BPTF: variants seen among roughly 807,000 people sequenced by gnomAD.
BPTF encodes the protein nucleosome-remodeling factor subunit BPTF.
A neutral mutation model predicts 292.5 loss-of-function variants in BPTF; 18 were observed. The observed-to-expected ratio is 0.06, with a 90% CI of 0.04 to 0.09. The LOEUF (loss-of-function observed/expected upper bound fraction) is 0.09. Ranked by LOEUF, BPTF falls within the 10% of genes least tolerant of loss-of-function variation. The pLI, the probability that BPTF is intolerant of heterozygous loss-of-function variation, is 1.00. For synonymous variants in BPTF, 1,225 were observed against 1,251.9 expected (o/e 0.98, Z 0.45); for missense variants, 2,726 against 3,498.7 (o/e 0.78, Z 5.57).
intron 27 of BPTF, among the ~76,000 whole-genome samples, chr17:67,978,653 T>G (rs1447376834): frequency 7.2e-5 from 11 of 152,072 alleles, no homozygotes; most frequent in Admixed American, 7.2e-4. Flanking sequence ...GCAATGAGAA[T>G]TACTCTGACC....
In BPTF at chr17:67,984,359, G is replaced by A. The variant is rs1402012012; in HGVS notation, c.*2071G>A. On this transcript the variant is annotated 3_prime_UTR_variant, in exon 28 of 28. Coordinates refer to ENST00000306378, the MANE Select transcript of BPTF (RefSeq NM_182641.4). Reference sequence around the variant, plus strand: ...GGACATTTCATCCTAGAAAAATAAAGTAATGTTTTTGACATTGGATTTGGT... The same window carrying A: ...GGACATTTCATCCTAGAAAAATAAAATAATGTTTTTGACATTGGATTTGGT... 1 of 152,436 alleles carries A rather than the reference G, an allele frequency of 6.6e-6. No homozygotes were observed. The allele number at this position is 152,436 out of a possible 1,614,324, so 9.4% of individuals were successfully genotyped here.
chr17:67,861,969 A>G (rs1477323483), intron 2 of BPTF, among the ~76,000 whole-genome samples: 1 of 151,790 alleles, frequency 6.6e-6, no homozygotes, highest in East Asian at 1.9e-4. Flanking sequence ...TCCTACCAAT[A>G]GTTTTTTTGT....
chr17:67,887,932 C>T (rs2060848110), intron 4 of BPTF, among the ~76,000 whole-genome samples: 1 of 152,172 alleles, frequency 6.6e-6, no homozygotes. Flanking sequence ...AATCAGAAGC[C>T]CTTGAGGAAG....
intron 26 of BPTF, among the ~76,000 whole-genome samples, chr17:67,971,883 T>C (rs1267802141): frequency 6.6e-6 from 1 of 151,938 alleles, no homozygotes; most frequent in Non-Finnish European, 1.5e-5. Flanking sequence ...TTGAACCAGC[T>C]TCCACTAATA....
chr17:67,869,304 C>G (rs1598343537), intron 3 of BPTF, among the ~76,000 whole-genome samples: 1 of 151,984 alleles, frequency 6.6e-6, no homozygotes, highest in African/African-American at 2.4e-5. Context: ...AAAATATTTT[C>G]TGTGTGTTAG....
intron 17 of BPTF, among the ~76,000 whole-genome samples, chr17:67,929,913 C>T (rs952730718): frequency 4.1e-4 from 63 of 151,998 alleles, no homozygotes; most frequent in Non-Finnish European, 1.8e-4. Flanking sequence ...CTCAGGAGTA[C>T]AGGGCCAGCC....
chr17:67,857,351 G>T (rs1288430378), intron 2 of BPTF, among the ~76,000 whole-genome samples: 1 of 151,506 alleles, frequency 6.6e-6, no homozygotes, highest in African/African-American at 2.4e-5. Context: ...TAGTAGAGAC[G>T]GGGTTTCACC....
chr17:67,853,446 A>G (rs955394879), intron 1 of BPTF, among the ~76,000 whole-genome samples: 1 of 152,164 alleles, frequency 6.6e-6, no homozygotes, highest in African/African-American at 2.4e-5. Flanking sequence ...AGAGGTCTGC[A>G]CTGGGAACTT....
intron 14 of BPTF, among the ~76,000 whole-genome samples, chr17:67,923,461 C>T (rs1305663705): frequency 7.1e-6 from 1 of 141,750 alleles, no homozygotes; most frequent in Non-Finnish European, 1.5e-5. Flanking sequence ...GTAAGGTCCT[C>T]TCTCTCTGTC....
chr17:67,889,073 G>T (rs973589667), intron 4 of BPTF, among the ~76,000 whole-genome samples: 1 of 152,154 alleles, frequency 6.6e-6, no homozygotes, highest in Non-Finnish European at 1.5e-5. Flanking sequence ...TGAAGAGTTT[G>T]TGTAGGCTTC....
At chr17:67,869,827 CAAAAA>C (rs772941425) in intron 3 of BPTF, among the ~76,000 whole-genome samples, 1 of 56,426 alleles carries the variant, frequency 1.8e-5, no homozygotes, top group South Asian at 6.7e-4. Flanking sequence ...ACTAAAAATA[CAAAAA>C]AAAAAAAAAA....
rs1168533218 is a variant in BPTF, at chr17:67,854,920, T to G, written c.1436+158T>G. Reference sequence around the variant, plus strand: ...TTCTTAATTGAAGGAATATGTGCATTAAAATAGCTTTTAAGAAGGTAAAGG... The same window carrying G: ...TTCTTAATTGAAGGAATATGTGCATGAAAATAGCTTTTAAGAAGGTAAAGG... On this transcript the variant is annotated intron_variant, in intron 2 of 27. Coordinates refer to ENST00000306378, the MANE Select transcript of BPTF (RefSeq NM_182641.4). The surrounding 1 kb of genome is among the most constrained non-coding windows in gnomAD (Gnocchi z 5.6). Among the ~76,000 whole-genome samples the G allele has an allele frequency of 2.0e-5, 3 of 152,226 alleles. No homozygotes were observed. Among genetic ancestry groups the G allele is most frequent in the African/African-American group, 7.2e-5 (3 of 41,454 alleles).
intron 17 of BPTF, 70 bp from the exon 18 acceptor site, chr17:67,931,841 G>A: frequency 9.1e-7 from 1 of 1,104,870 alleles, no homozygotes; most frequent in East Asian, 2.6e-5. Flanking sequence ...TAAAGATCTT[G>A]TGTTCTAAGT....
At chr17:67,908,769 G>A (rs1016662008) in intron 9 of BPTF, among the ~76,000 whole-genome samples, 1 of 150,990 alleles carries the variant, frequency 6.6e-6, no homozygotes, top group African/African-American at 2.4e-5. Flanking sequence ...GGGATTACAG[G>A]CATAAGCCAC....
At chr17:67,961,280 A>G (rs1435052498) in intron 24 of BPTF, among the ~76,000 whole-genome samples, 2 of 152,182 alleles carry the variant, frequency 1.3e-5, no homozygotes, top group Admixed American at 1.3e-4. Flanking sequence ...GTGTTATTTT[A>G]TATTTTTCAT....
intron 7 of BPTF, among the ~76,000 whole-genome samples, chr17:67,897,517 A>T (rs1313355640): frequency 2.0e-5 from 3 of 152,088 alleles, no homozygotes; most frequent in Non-Finnish European, 4.4e-5. Context: ...GTGGACCAAG[A>T]TGGTGGAATA....
At chr17:67,867,930 C>T (rs2059483369) in intron 3 of BPTF, among the ~76,000 whole-genome samples, 1 of 152,148 alleles carries the variant, frequency 6.6e-6, no homozygotes, top group African/African-American at 2.4e-5. Flanking sequence ...TCACTATAAA[C>T]AGCCACACTT....
At chr17:67,909,907 T>A in intron 10 of BPTF, 146 bp downstream of exon 10, 2 of 604,572 alleles carry the variant, frequency 3.3e-6, no homozygotes, top group Non-Finnish European at 5.0e-6. Context: ...TTCACCCAAT[T>A]AAAGTGTAAA....
chr17:67,825,944 C>A lies in BPTF; in HGVS notation c.220C>A (p.Arg74=), dbSNP rs1191520984. ...CTCGCCCAGGGGGGGCAGCAGTAGC[C>A]GGAGGAAGCCGCCGCCGCCGCCGCC... The part of the protein sequence containing the change: ...LSSPRGGSSS[R]RKPPPPPPAP... The change falls in exon 1 of 28, where the codon CGG becomes AGG. Residue 74 remains arginine, a synonymous_variant. Transcript: ENST00000306378. 10 of 1,009,852 alleles carry A rather than the reference C, an allele frequency of 9.9e-6. No homozygotes were observed. Among genetic ancestry groups the A allele is most frequent in the Non-Finnish European group, 1.2e-5 (10 of 848,212 alleles). The allele number at this position is 1,009,852 out of a possible 1,614,324, so 62.6% of individuals were successfully genotyped here.
Sources: gnomAD v4.1 joint callset for allele counts (sites outside exome capture counted in the v4.1 genomes callset) on GRCh38, gnomAD v4.1.1 for gene constraint, Gnocchi (gnomAD v3.1) non-coding constraint, MANE v1.5 for transcripts, NCBI Gene and HGNC (gene_info 2026-07-23, HGNC 2026-07-21) for gene names.